RXFP1: variants seen among roughly 807,000 people sequenced by gnomAD.
RXFP1 encodes relaxin receptor 1.
A neutral mutation model predicts 89.8 loss-of-function variants in RXFP1; 73 were observed. The observed-to-expected ratio is 0.81, with a 90% CI of 0.67 to 0.99. The LOEUF is 0.99. Ranked by LOEUF, RXFP1 falls within the 50% of genes least tolerant of loss-of-function variation. The pLI, the probability that RXFP1 is intolerant of heterozygous loss-of-function variation, is 0.00. For missense variants in RXFP1, 793 were observed against 895.5 expected, an observed-to-expected ratio of 0.89 and a Z score of 1.46; for synonymous variants, 277 against 305.5, an observed-to-expected ratio of 0.91 and a Z score of 0.97.
At chr4:158,591,423 C>G (rs1421112365) in intron 2 of RXFP1, among the ~76,000 whole-genome samples, 5 of 152,084 alleles carry the variant, frequency 3.3e-5, no homozygotes, top group African/African-American at 1.2e-4. Context: ...GGGGCACTGT[C>G]CCTTGTCCAC....
chr4:158,524,646 G>A (rs531388078), intron 1 of RXFP1, among the ~76,000 whole-genome samples: 22 of 152,224 alleles, frequency 1.4e-4, no homozygotes, highest in South Asian at 4.1e-4. Context: ...GTTTTGTAAT[G>A]TACTAAATTT....
rs377005822 is a variant in RXFP1 at position 158,651,757 on chromosome 4, G to A, written c.1976G>A (p.Gly659Asp). The change falls in exon 18 of 18, where the codon GGT becomes GAT. Residue 659 changes from glycine to aspartate, a missense_variant and splice_region_variant. Gly to Asp is a moderately conservative substitution (Grantham distance 94, BLOSUM62 -1). Transcript: ENST00000307765. The stretch of plus-strand genomic sequence containing the variant: ...AAACTATTTCATTTTTCTTTTTTAG[G>A]TACCATAACCTCTTGGGTAGTGATT... ...FLSLLQVEIPGTITSWVVIFI... is the reference protein window; with the variant it reads ...FLSLLQVEIPDTITSWVVIFI... 1.1e-5 allele frequency: 17 copies of A among 1,584,294 alleles called. No homozygotes were observed. Among genetic ancestry groups the A allele is most frequent in the African/African-American group, 1.4e-5 (1 of 73,106 alleles).
chr4:158,541,743 G>A (rs534817477), intron 1 of RXFP1, among the ~76,000 whole-genome samples: 2 of 151,730 alleles, frequency 1.3e-5, no homozygotes, highest in Non-Finnish European at 1.5e-5. Context: ...ATGACCCTTC[G>A]CAAGCACTTG....
At chr4:158,619,881 C>T (rs80292609) in intron 9 of RXFP1, among the ~76,000 whole-genome samples, 1,536 of 152,058 alleles carry the variant, frequency 0.01, 25 homozygotes, top group African/African-American at 0.034. Context: ...GGGTAGTGCC[C>T]ATTTGTATCA....
intron 17 of RXFP1, among the ~76,000 whole-genome samples, chr4:158,649,183 G>A (rs1054452456): frequency 3.3e-5 from 5 of 152,052 alleles, no homozygotes; most frequent in African/African-American, 4.8e-5. Flanking sequence ...TACTGGGGAA[G>A]AACTGTTTAT....
chr4:158,613,322 G>A (rs1255147657), intron 8 of RXFP1, among the ~76,000 whole-genome samples: 9 of 152,100 alleles, frequency 5.9e-5, no homozygotes, highest in African/African-American at 1.9e-4. Context: ...TACATTGATT[G>A]ACTTTTAATT....
chr4:158,649,617 AT>A lies in RXFP1; in HGVS notation c.1975+901del, dbSNP rs529243630. 8.7e-3 allele frequency among the ~76,000 whole-genome samples: 1,322 copies of A among 152,298 alleles called. 21 individuals are homozygous for A. The highest frequency in any genetic ancestry group is 0.03 in the African/African-American group (1,255 of 41,536). On this transcript the variant is annotated intron_variant, in intron 17 of 17. Transcript: ENST00000307765. ...CAGAGCAAGATCCTGTCTCAAAAAA[AT>A]AAAAATAAAAAATAAAAAATAAACA...
intron 5 of RXFP1, among the ~76,000 whole-genome samples, chr4:158,605,568 C>T (rs1762416327): frequency 6.6e-6 from 1 of 152,152 alleles, no homozygotes; most frequent in African/African-American, 2.4e-5. Context: ...CCTAAAATAG[C>T]AAGTCACTGT....
At chr4:158,592,089 C>G (rs565550164) in intron 2 of RXFP1, among the ~76,000 whole-genome samples, 11 of 152,250 alleles carry the variant, frequency 7.2e-5, no homozygotes, top group African/African-American at 2.6e-4. Flanking sequence ...AGAAAAGCTT[C>G]TTCCTTTTAT....
chr4:158,597,678 A>G (rs1760898438), intron 3 of RXFP1, among the ~76,000 whole-genome samples: 1 of 152,120 alleles, frequency 6.6e-6, no homozygotes, highest in South Asian at 2.1e-4. Flanking sequence ...TAATCAACAT[A>G]TATGAATTAT....
intron 14 of RXFP1, among the ~76,000 whole-genome samples, chr4:158,641,758 T>C (rs558718081): frequency 3.2e-4 from 49 of 152,302 alleles, no homozygotes; most frequent in African/African-American, 9.1e-4. Flanking sequence ...TAGATCTAAT[T>C]TGAAGTTCAA....
chr4:158,619,634 G>T (rs1483881978), intron 9 of RXFP1, among the ~76,000 whole-genome samples: 1 of 152,148 alleles, frequency 6.6e-6, no homozygotes, highest in Non-Finnish European at 1.5e-5. Flanking sequence ...AAGGAAACCA[G>T]ACAGAGCCCT....
At chr4:158,527,564 A>AAAATATATATATATATATATATATATAT (rs5741905) in intron 1 of RXFP1, among the ~76,000 whole-genome samples, 21 of 98,322 alleles carry the variant, frequency 2.1e-4, no homozygotes, top group African/African-American at 7.4e-4. Flanking sequence ...AAAAAAAAAA[A>AAAATATATATATATATATATATATATAT]ATATATATAT....
chr4:158,539,042 C>A (rs1158970692), intron 1 of RXFP1, among the ~76,000 whole-genome samples: 3 of 152,062 alleles, frequency 2.0e-5, no homozygotes, highest in African/African-American at 7.2e-5. Context: ...AAAATGAGTC[C>A]TTCCTCACTA....
chr4:158,565,450 C>T (rs1255600993), intron 1 of RXFP1, among the ~76,000 whole-genome samples: 3 of 152,158 alleles, frequency 2.0e-5, no homozygotes, highest in Non-Finnish European at 4.4e-5. Context: ...CTTGTGTCTA[C>T]ATCTTGGCTT....
intron 3 of RXFP1, 92 bp from the exon 4 acceptor site, chr4:158,599,234 T>C: frequency 6.3e-7 from 1 of 1,578,672 alleles, no homozygotes. Flanking sequence ...TACTAAATGA[T>C]TTTCTCATAG....
chr4:158,549,369 T>G (rs1195105328), intron 1 of RXFP1, among the ~76,000 whole-genome samples: 1 of 152,104 alleles, frequency 6.6e-6, no homozygotes, highest in Non-Finnish European at 1.5e-5. Flanking sequence ...TTTTTCAAAG[T>G]TTTTAACTTC....
chr4:158,638,363 C>T (rs1769635364), intron 13 of RXFP1, among the ~76,000 whole-genome samples: 1 of 152,102 alleles, frequency 6.6e-6, no homozygotes, highest in Admixed American at 6.5e-5. Context: ...GACATCTGTG[C>T]ATATTCACTC....
chr4:158,549,864 G>T (rs896664331), intron 1 of RXFP1, among the ~76,000 whole-genome samples: 4 of 152,314 alleles, frequency 2.6e-5, no homozygotes, highest in East Asian at 3.9e-4. Context: ...GCCCCTACTG[G>T]GGGGGTGCCT....
Sources: allele counts gnomAD v4.1 joint callset (sites outside exome capture counted in the v4.1 genomes callset), GRCh38; gene constraint gnomAD v4.1.1; transcripts MANE v1.5; gene names NCBI Gene and HGNC (gene_info 2026-07-23, HGNC 2026-07-21).